The following COG4 variants were observed in gnomAD, a reference collection of about 807,000 sequenced individuals.
COG4 encodes component of oligomeric golgi complex 4.
Under a neutral mutation model 95.1 loss-of-function variants are expected in COG4, and 65 were observed. The ratio of observed to expected loss-of-function variants is 0.68; its 90% CI spans 0.56 to 0.84. The LOEUF is 0.84. Among genes scored for constraint, COG4 ranks in the 40% least tolerant of loss-of-function variants. COG4 has a pLI of 0.00. For synonymous variants in COG4, 421 were observed against 374.8 expected, an observed-to-expected ratio of 1.12 and a Z score of -1.42; for missense variants, 1,045 against 989.1, an observed-to-expected ratio of 1.06 and a Z score of -0.76.
At position 70,483,977 on chromosome 16, in the gene COG4, A is replaced by G. The variant is rs2049072649; in HGVS notation, c.1711-8T>C. ...GAGCTTGGTGCAGTCACTCTAGGGGAGAACACTGCTGTAAGACCACCGAGC... is the reference window on the plus strand; with the variant it reads ...GAGCTTGGTGCAGTCACTCTAGGGGGGAACACTGCTGTAAGACCACCGAGC... On this transcript the variant is annotated splice_polypyrimidine_tract_variant and splice_region_variant and intron_variant, in intron 13 of 18. Transcript: ENST00000323786. 1.9e-6 allele frequency: 3 copies of G among 1,601,146 alleles called. No homozygotes were observed. Among genetic ancestry groups the G allele is most frequent in the Non-Finnish European group, 2.6e-6 (3 of 1,170,850 alleles).
chr16:70,491,692 C>T lies in COG4; in HGVS notation c.1648-1300G>A, dbSNP rs1437859757. Among the ~76,000 whole-genome samples, 12 of 150,198 alleles carry T rather than the reference C, an allele frequency of 8.0e-5. 1 individual carries two copies. The highest frequency in any genetic ancestry group is 7.1e-3 in the Middle Eastern group (2 of 282). On this transcript the variant is annotated intron_variant, in intron 12 of 18. Transcript: ENST00000323786. ...ACAAAAAATTAGCCAGGCGTGGTGGCGGGTGCCTGTAATCCCAGCTACTCG... is the reference window on the plus strand; with the variant it reads ...ACAAAAAATTAGCCAGGCGTGGTGGTGGGTGCCTGTAATCCCAGCTACTCG...
rs766886412 is a variant in COG4, at chr16:70,517,744, G to C, written c.255-4C>G. The stretch of plus-strand genomic sequence containing the variant: ...CTCAATCAGCTGCAGATTAGGACTG[G>C]AGAAATACATTGTTAGCATACACAT... On this transcript the variant is annotated splice_polypyrimidine_tract_variant and splice_region_variant and intron_variant, in intron 2 of 18. Coordinates refer to ENST00000323786, the MANE Select transcript of COG4 (RefSeq NM_015386.3). The C allele has an allele frequency of 7.5e-6, 12 of 1,593,298 alleles. No individual in the cohort carries two copies. In the South Asian group the frequency reaches 1.1e-4, roughly 15 times the overall value.
Position 70,500,945 on chromosome 16 carries a change from G to C in COG4, c.1195+13C>G, listed in dbSNP as rs1312464230. Reference sequence around the variant, plus strand: ...ACCTCAACCCTCCCCAAAAATATGGGAAACGTTTTTACCTTGCTTTACTTC... The same window carrying C: ...ACCTCAACCCTCCCCAAAAATATGGCAAACGTTTTTACCTTGCTTTACTTC... On this transcript the variant is annotated intron_variant, in intron 9 of 18. Coordinates refer to ENST00000323786, the MANE Select transcript of COG4 (RefSeq NM_015386.3). 1 of 1,613,992 alleles carries C rather than the reference G, an allele frequency of 6.2e-7. No homozygotes were observed. The highest frequency in any genetic ancestry group is 2.2e-5 in the East Asian group (1 of 44,878).
In COG4 at chr16:70,481,108, C is replaced by T. The variant is rs370178627; in HGVS notation, c.2272G>A (p.Gly758Ser). Reference sequence around the variant, plus strand: ...GGGGTGAGGCGCCACGTCAATGGGCCGGAATTGGGTCCCCAGTAATCGAGG... The same window carrying T: ...GGGGTGAGGCGCCACGTCAATGGGCTGGAATTGGGTCCCCAGTAATCGAGG... ...EILDYWGPNS[G>S]PLTWRLTPAE... The change falls in exon 19 of 19, where the codon GGC becomes AGC. Residue 758 changes from glycine to serine, a missense_variant. Coordinates refer to ENST00000323786, the MANE Select transcript of COG4 (RefSeq NM_015386.3). 2.8e-5 allele frequency: 45 copies of T among 1,613,452 alleles called. No homozygotes were observed. Among genetic ancestry groups the T allele is most frequent in the Middle Eastern group, 3.3e-4 (2 of 6,062 alleles).
In COG4 at chr16:70,501,061, G is replaced by A; in HGVS notation, c.1092C>T (p.Thr364=). ...ATAGCTCACTGCGGGCATTCATCAG[G>A]GTGACCTCAGTCAGGATGGGGTCCA... ...RELDPILTEV[T]LMNARSELYL... Residue 364 remains threonine (T), a synonymous_variant, in exon 9 of 19, where the codon ACC becomes ACT. Coordinates refer to ENST00000323786, the MANE Select transcript of COG4 (RefSeq NM_015386.3). The A allele has an allele frequency of 6.2e-7, 1 of 1,613,696 alleles. No homozygotes were observed. The highest frequency in any genetic ancestry group is 1.1e-5 in the South Asian group (1 of 91,078).
chr16:70,486,125 G>A (rs4277334), intron 13 of COG4, among the ~76,000 whole-genome samples: 55,962 of 150,516 alleles, frequency 0.37, 11,106 homozygotes, highest in South Asian at 0.66. Context: ...TCGATCTCCT[G>A]ACCTTGTGAT....
chr16:70,520,004 G>A (rs769908572), intron 1 of COG4, among the ~76,000 whole-genome samples: 1 of 152,048 alleles, frequency 6.6e-6, no homozygotes, highest in Non-Finnish European at 1.5e-5. Context: ...ATACAGGAAG[G>A]CATTTAAAAT....
Position 70,498,027 on chromosome 16 carries a change from G to A in COG4, c.1224C>T (p.Leu408=), listed in dbSNP as rs1276449661. ...TGGTACAGCTCAAAAGGCAGTTATT[G>A]AGGAGTTTGTCCAGACACTTCTGGT... The part of the protein sequence containing the change: ...QEHQKCLDKL[L]NNCLLSCTMQ... The change falls in exon 10 of 19, where the codon CTC becomes CTT. Residue 408 remains leucine (L), a synonymous_variant. Transcript: ENST00000323786. The A allele has an allele frequency of 1.9e-6, 3 of 1,613,538 alleles. No individual in the cohort carries two copies. The highest frequency in any genetic ancestry group is 1.7e-6 in the Non-Finnish European group (2 of 1,179,454).
chr16:70,487,668 T>C (rs1007077052), intron 13 of COG4, among the ~76,000 whole-genome samples: 4 of 152,250 alleles, frequency 2.6e-5, no homozygotes, highest in Non-Finnish European at 4.4e-5. Flanking sequence ...GTGTTCACTG[T>C]GGAGGCAGGG....
intron 8 of COG4, chr16:70,501,452 C>A: frequency 3.7e-6 from 1 of 273,784 alleles, no homozygotes; most frequent in Non-Finnish European, 7.1e-6. Flanking sequence ...CTCCTGGGTT[C>A]ACGCCATTTC....
chr16:70,486,894 C>T (rs2049147615), intron 13 of COG4, among the ~76,000 whole-genome samples: 1 of 151,952 alleles, frequency 6.6e-6, no homozygotes, highest in Non-Finnish European at 1.5e-5. Context: ...TACTTGGGAG[C>T]TGAGGCAGGA....
At chr16:70,505,828 C>T (rs2049553884) in intron 8 of COG4, among the ~76,000 whole-genome samples, 1 of 150,878 alleles carries the variant, frequency 6.6e-6, no homozygotes, top group African/African-American at 2.4e-5. Context: ...GACTCTGTCT[C>T]AAAAAAAGAA....
chr16:70,501,150 T>TA, intron 8 of COG4, 59 bp from the exon 9 acceptor site: 4 of 1,592,154 alleles, frequency 2.5e-6, no homozygotes, highest in Non-Finnish European at 3.4e-6. Context: ...ACACAAGAGC[T>TA]ACAGGGCAAA....
chr16:70,502,387 G>C (rs906805510), intron 8 of COG4, among the ~76,000 whole-genome samples: 1 of 151,222 alleles, frequency 6.6e-6, no homozygotes, highest in African/African-American at 2.4e-5. Flanking sequence ...CTGAGGTCGG[G>C]AGTTCGAGAC....
chr16:70,523,120 C>A, intron 1 of COG4: 1 of 549,356 alleles, frequency 1.8e-6, no homozygotes, highest in Non-Finnish European at 3.3e-6. Context: ...GATCATGGAT[C>A]AGGGAAATCA....
chr16:70,522,808 T>C (rs933683615), intron 1 of COG4, among the ~76,000 whole-genome samples: 9 of 152,168 alleles, frequency 5.9e-5, no homozygotes, highest in Non-Finnish European at 1.3e-4. Flanking sequence ...ATATCAAGGG[T>C]ACCAGAGATG....
At chr16:70,495,328 C>T (rs753069200) in intron 12 of COG4, among the ~76,000 whole-genome samples, 1 of 146,974 alleles carries the variant, frequency 6.8e-6, no homozygotes, top group South Asian at 2.2e-4. Context: ...ACCTGTGAGG[C>T]GGAGGTTGCA....
chr16:70,518,216 C>T (rs983062284), intron 2 of COG4, among the ~76,000 whole-genome samples: 6 of 152,166 alleles, frequency 3.9e-5, no homozygotes, highest in Non-Finnish European at 7.3e-5. Flanking sequence ...GCTACTGCGC[C>T]TGGCCAAAAT....
chr16:70,485,485 TGAGC>T (rs1264991508), intron 13 of COG4, among the ~76,000 whole-genome samples: 1 of 151,326 alleles, frequency 6.6e-6, no homozygotes, highest in Non-Finnish European at 1.5e-5. Context: ...TTTACAGGTG[TGAGC>T]CATCGCGCCT....
Sources: allele counts gnomAD v4.1 joint callset (sites outside exome capture counted in the v4.1 genomes callset), GRCh38; gene constraint gnomAD v4.1.1; transcripts MANE v1.5; gene names NCBI Gene and HGNC (gene_info 2026-07-23, HGNC 2026-07-21).